Variants in KLKB1 observed in about 807,000 individuals in gnomAD.
KLKB1 encodes kallikrein B1.
A neutral mutation model predicts 73.6 loss-of-function variants in KLKB1; 58 were observed. That is an observed-to-expected ratio of 0.79 (90% CI 0.64 to 0.98). KLKB1 has a LOEUF of 0.98. Among genes scored for constraint, KLKB1 ranks in the 50% least tolerant of loss-of-function variants. The pLI, the probability that KLKB1 is intolerant of heterozygous loss-of-function variation, is 0.00. For missense variants in KLKB1, 737 were observed against 763.8 expected (o/e 0.96, Z 0.41); for synonymous variants, 280 against 258.1 (o/e 1.08, Z -0.81).
chr4:186,239,864 GAT>G (rs1490150275), intron 6 of KLKB1, among the ~76,000 whole-genome samples: 4 of 148,390 alleles, frequency 2.7e-5, no homozygotes, highest in African/African-American at 7.3e-5. Context: ...ATAGGACAGT[GAT>G]ATTGTTATAG....
chr4:186,217,029 G>A (rs1420978588), intron 2 of KLKB1, among the ~76,000 whole-genome samples: 4 of 152,190 alleles, frequency 2.6e-5, no homozygotes, highest in East Asian at 1.9e-4. Context: ...ATTTGAGTGG[G>A]AGATTTGGGA....
At chr4:186,247,558 T>C (rs1198808915) in intron 6 of KLKB1, among the ~76,000 whole-genome samples, 1 of 152,208 alleles carries the variant, frequency 6.6e-6, no homozygotes, top group Non-Finnish European at 1.5e-5. Flanking sequence ...GATGTATGCA[T>C]GTAGGCTTGG....
At chr4:186,241,353 A>G (rs1382357967) in intron 6 of KLKB1, among the ~76,000 whole-genome samples, 2 of 152,210 alleles carry the variant, frequency 1.3e-5, no homozygotes, top group African/African-American at 4.8e-5. Context: ...CGGGGGCAAC[A>G]CAGCTGATGA....
In KLKB1 at chr4:186,258,342, A is replaced by T. The variant is rs188802095; in HGVS notation, c.*130A>T. ...ATCCTAAGGACGAAAAACACAGTGC[A>T]CTCAGAGCTGCTGAGGACAATGTCT... On this transcript the variant is annotated 3_prime_UTR_variant, in exon 15 of 15. Transcript: ENST00000264690. The T allele has an allele frequency of 2.4e-6, 2 of 823,442 alleles. No individual in the cohort carries two copies. The highest frequency in any genetic ancestry group is 4.1e-6 in the Non-Finnish European group (2 of 487,628). The allele number at this position is 823,442 out of a possible 1,614,324, so 51.0% of individuals were successfully genotyped here.
Position 186,234,038 on chromosome 4 carries a change from A to T in KLKB1, c.308A>T (p.Gln103Leu), listed in dbSNP as rs748227737. The T allele has an allele frequency of 1.4e-5, 23 of 1,613,308 alleles. No individual in the cohort carries two copies. The South Asian group carries it at 2.3e-4, about 16-fold the overall frequency. ...TGAVSGHSLK[Q>L]CGHQISACHR... Reference sequence around the variant, plus strand: ...GCAGTTTCTGGACATTCCTTGAAGCAATGTGGTCATCAAATAAGTGGTAAG... The same window carrying T: ...GCAGTTTCTGGACATTCCTTGAAGCTATGTGGTCATCAAATAAGTGGTAAG... The change falls in exon 4 of 15, where the codon CAA becomes CTA. Residue 103 changes from glutamine to leucine, a missense_variant. Gln to Leu is a moderately radical substitution (Grantham distance 113). Transcript: ENST00000264690.
At chr4:186,247,257 T>C (rs1160170010) in intron 6 of KLKB1, among the ~76,000 whole-genome samples, 3 of 152,116 alleles carry the variant, frequency 2.0e-5, no homozygotes, top group Non-Finnish European at 4.4e-5. Flanking sequence ...AAACAGGCTT[T>C]GTGTGAGCAA....
At chr4:186,233,219 A>G (rs1465337660) in intron 3 of KLKB1, among the ~76,000 whole-genome samples, 2 of 152,208 alleles carry the variant, frequency 1.3e-5, no homozygotes, top group Non-Finnish European at 1.5e-5. Flanking sequence ...AGCGGTAATT[A>G]CAATTTTTAT....
At chr4:186,228,093 T>G (rs1159901858) in intron 1 of KLKB1, 102 bp from the exon 2 acceptor site, 4 of 745,110 alleles carry the variant, frequency 5.4e-6, no homozygotes, top group Non-Finnish European at 9.5e-6. Context: ...TGCTTTGTCT[T>G]GCAATTCAGA....
In KLKB1 at chr4:186,232,067, T is replaced by C. The variant is rs911047957; in HGVS notation, c.59-60T>C. ...GTGGGAGAAGTTAAGACAACAGATA[T>C]CTTTTTATTAAAATTATTATATGAA... On this transcript the variant is annotated intron_variant, in intron 2 of 14. Coordinates refer to ENST00000264690, the MANE Select transcript of KLKB1 (RefSeq NM_000892.5). 5.6e-5 allele frequency: 78 copies of C among 1,384,604 alleles called. 2 individuals carry two copies. In the South Asian group the frequency reaches 1.0e-3, roughly 18 times the overall value. 85.8% of individuals were successfully genotyped at this position (1,384,604 alleles called of 1,614,324 possible).
chr4:186,251,196 T>A, intron 7 of KLKB1, 23 bp from the exon 8 acceptor site: 2 of 1,493,004 alleles, frequency 1.3e-6, no homozygotes, highest in Non-Finnish European at 1.9e-6. Flanking sequence ...TCTTTCTCTC[T>A]TGCTTTTTTT....
At chr4:186,219,266 C>A (rs566008510) in intron 2 of KLKB1, among the ~76,000 whole-genome samples, 1 of 152,018 alleles carries the variant, frequency 6.6e-6, no homozygotes, top group South Asian at 2.1e-4. Flanking sequence ...CCAGTCAAGC[C>A]GACACTCAAT....
Position 186,250,225 on chromosome 4 carries a change from C to A in KLKB1, c.599-18C>A. 8 of 1,612,956 alleles carry A rather than the reference C, an allele frequency of 5.0e-6. No individual in the cohort carries two copies. The highest frequency in any genetic ancestry group is 6.8e-6 in the Non-Finnish European group (8 of 1,178,982). ...CATGTCATTTCCTAAGGAACATCTTCTCTCTGTGAGTTCACAGGTTGCCAC... is the reference window on the plus strand; with the variant it reads ...CATGTCATTTCCTAAGGAACATCTTATCTCTGTGAGTTCACAGGTTGCCAC... On this transcript the variant is annotated intron_variant, in intron 6 of 14. Transcript: ENST00000264690.
chr4:186,238,342 A>G lies in KLKB1; in HGVS notation c.575A>G (p.Lys192Arg). ...AACGTGGAATCTGGATTCTCACTGA[A>G]GCCCTGTGCCCTTTCAGAAATTGGT... ...LSNVESGFSL[K>R]PCALSEIGCH... Residue 192 changes from lysine to arginine, a missense_variant, in exon 6 of 15, where the codon AAG becomes AGG. Lys to Arg is a conservative substitution (Grantham distance 26). Coordinates refer to ENST00000264690, the MANE Select transcript of KLKB1 (RefSeq NM_000892.5). The G allele has an allele frequency of 6.2e-7, 1 of 1,613,324 alleles. No individual in the cohort carries two copies. Among genetic ancestry groups the G allele is most frequent in the Non-Finnish European group, 8.5e-7 (1 of 1,179,282 alleles).
rs1411361790 is a variant in KLKB1 at position 186,252,142 on chromosome 4, A to G, written c.1270A>G (p.Ile424Val). Residue 424 changes from isoleucine (I) to valine (V), a missense_variant, in exon 11 of 15, where the codon ATA (isoleucine) becomes GTA (valine). Coordinates refer to ENST00000264690, the MANE Select transcript of KLKB1 (RefSeq NM_000892.5). ...AQRHLCGGSL[I>V]GHQWVLTAAH... ...GAGGCACCTGTGTGGAGGGTCACTC[A>G]TAGGACACCAGTGGGTCCTCACTGC... is the stretch of plus-strand genomic sequence containing the variant. The G allele has an allele frequency of 4.3e-6, 7 of 1,613,858 alleles. No homozygotes were observed. Among genetic ancestry groups the G allele is most frequent in the African/African-American group, 4.0e-5 (3 of 74,938 alleles).
At chr4:186,213,759 A>G (rs998911164) in intron 2 of KLKB1, among the ~76,000 whole-genome samples, 3 of 152,326 alleles carry the variant, frequency 2.0e-5, no homozygotes, top group South Asian at 2.1e-4. Flanking sequence ...AAATGACCCA[A>G]TAAGAGATGC....
intron 11 of KLKB1, 128 bp from the exon 12 acceptor site, chr4:186,254,460 A>G: frequency 2.5e-6 from 2 of 796,288 alleles, no homozygotes; most frequent in East Asian, 5.0e-5. Flanking sequence ...AGAAGGAGGA[A>G]TTAGGTAGGA....
upstream of KLKB1, among the ~76,000 whole-genome samples, chr4:186,222,824 A>T (rs1458706441): frequency 1.3e-5 from 2 of 152,004 alleles, no homozygotes; most frequent in Non-Finnish European, 2.9e-5. Context: ...ATTTTTTGTA[A>T]GGCAGGTTTA....
At chr4:186,245,824 G>GTTTTTTTT (rs1402408736) in intron 6 of KLKB1, among the ~76,000 whole-genome samples, 3,849 of 109,122 alleles carry the variant, frequency 0.035, 951 homozygotes, top group Non-Finnish European at 0.055. Context: ...TTGTTTTTTG[G>GTTTTTTTT]TTTTTTTTTT....
At chr4:186,220,816 G>C (rs1737017638) in intron 2 of KLKB1, among the ~76,000 whole-genome samples, 1 of 151,678 alleles carries the variant, frequency 6.6e-6, no homozygotes, top group Admixed American at 6.6e-5. Context: ...TCAAAGTAAT[G>C]CTGGCCTCAT....
Sources: allele counts gnomAD v4.1 joint callset (sites outside exome capture counted in the v4.1 genomes callset), GRCh38; gene constraint gnomAD v4.1.1; transcripts MANE v1.5; gene names NCBI Gene and HGNC (gene_info 2026-07-23, HGNC 2026-07-21).